GREB1L: variants seen among roughly 807,000 people sequenced by gnomAD.
GREB1L encodes GREB1 like retinoic acid receptor coactivator.
Under a neutral mutation model 200.8 loss-of-function variants are expected in GREB1L, and 17 were observed. The ratio of observed to expected loss-of-function variants is 0.08; its 90% CI spans 0.06 to 0.13. GREB1L has a LOEUF of 0.13. GREB1L is among the 10% of genes least tolerant of loss of function. GREB1L has a pLI of 1.00. For synonymous variants in GREB1L, 789 were observed against 893.0 expected (o/e 0.88, Z 2.08); for missense variants, 1,657 against 2,367.7 (o/e 0.70, Z 6.23).
intron 14 of GREB1L, 95 bp downstream of exon 14, chr18:21,452,312 C>A (rs1324745656): frequency 3.3e-6 from 4 of 1,230,174 alleles, no homozygotes; most frequent in South Asian, 3.1e-5. Context: ...TTCTTCAAGT[C>A]ACAGACCACA....
At chr18:21,383,216 C>T (rs2040396970) in intron 2 of GREB1L, among the ~76,000 whole-genome samples, 1 of 152,084 alleles carries the variant, frequency 6.6e-6, no homozygotes, top group African/African-American at 2.4e-5. Context: ...ACTGACAGGT[C>T]AGTCTTGATT....
intron 14 of GREB1L, among the ~76,000 whole-genome samples, chr18:21,453,373 G>A (rs571122016): frequency 3.9e-5 from 6 of 152,284 alleles, no homozygotes; most frequent in South Asian, 2.1e-4. Context: ...ATATGTTGAC[G>A]GCTGTCTTTG....
chr18:21,507,304 A>G (rs1030036929), intron 25 of GREB1L, among the ~76,000 whole-genome samples: 1 of 152,218 alleles, frequency 6.6e-6, no homozygotes, highest in African/African-American at 2.4e-5. Context: ...ACTAAGTAGT[A>G]TATTCCCACA....
At chr18:21,294,603 T>C (rs1361458443) in intron 1 of GREB1L, among the ~76,000 whole-genome samples, 2 of 151,122 alleles carry the variant, frequency 1.3e-5, no homozygotes, top group Non-Finnish European at 2.9e-5. Flanking sequence ...GTTATTATAA[T>C]ATAATAATGT....
At chr18:21,477,935 A>G (rs753485489) in intron 17 of GREB1L, among the ~76,000 whole-genome samples, 40 of 152,252 alleles carry the variant, frequency 2.6e-4, no homozygotes, top group Non-Finnish European at 3.8e-4. Context: ...ATACAAAATT[A>G]TCTGTCGTAT....
At chr18:21,350,681 A>C (rs1026966448) in intron 1 of GREB1L, among the ~76,000 whole-genome samples, 3 of 152,198 alleles carry the variant, frequency 2.0e-5, no homozygotes, top group Admixed American at 6.5e-5. Context: ...AAAAGACTTC[A>C]TGGGCAATGA....
At chr18:21,243,915 G>A (rs938048101) in intron 1 of GREB1L, among the ~76,000 whole-genome samples, 3 of 152,062 alleles carry the variant, frequency 2.0e-5, no homozygotes, top group Admixed American at 2.0e-4. Flanking sequence ...CTCCATACAA[G>A]CCTTCATCCT....
At chr18:21,508,715 G>GAA (rs35816889) in intron 27 of GREB1L, 124 bp downstream of exon 27, 36,139 of 373,438 alleles carry the variant, frequency 0.097, 317 homozygotes, top group South Asian at 0.12. Context: ...CCACTCTTCG[G>GAA]AAAAAAAAAA....
chr18:21,427,932 T>G (rs2032743634), intron 7 of GREB1L, among the ~76,000 whole-genome samples: 1 of 152,114 alleles, frequency 6.6e-6, no homozygotes. Context: ...GGCTCACGCC[T>G]GTAATCCCAG....
In GREB1L at chr18:21,439,734, G is replaced by A. The variant is rs2033791229; in HGVS notation, c.949+97G>A. The A allele has an allele frequency of 6.3e-6, 5 of 788,232 alleles. No individual in the cohort carries two copies. The South Asian group carries it at 7.9e-5, about 12-fold the overall frequency. 48.8% of individuals were successfully genotyped at this position (788,232 alleles called of 1,614,324 possible). A position where few individuals can be genotyped will look rare whatever the true frequency, so the allele number is the denominator to read the frequency against. ...GAATTATCTGGCAACACACTCTAGA[G>A]TTTTTTCTCAGTTCGTCATACAGTG... On this transcript the variant is annotated intron_variant, in intron 8 of 32. Transcript: ENST00000424526.
intron 27 of GREB1L, among the ~76,000 whole-genome samples, chr18:21,510,637 T>C (rs1291740874): frequency 6.6e-6 from 1 of 152,264 alleles, no homozygotes; most frequent in African/African-American, 2.4e-5. Context: ...TTGTGCATCA[T>C]GCTTTTATGA....
intron 21 of GREB1L, among the ~76,000 whole-genome samples, chr18:21,498,636 C>T (rs2036650495): frequency 6.6e-6 from 1 of 152,184 alleles, no homozygotes; most frequent in Non-Finnish European, 1.5e-5. Context: ...CTGCTGAACT[C>T]ACAAAGGTGG....
intron 18 of GREB1L, among the ~76,000 whole-genome samples, chr18:21,487,141 G>A (rs1359927196): frequency 6.6e-6 from 1 of 152,176 alleles, no homozygotes; most frequent in Non-Finnish European, 1.5e-5. Context: ...CCCCCTTTAA[G>A]CATTCCTACC....
At chr18:21,454,932 G>A (rs1294752653) in intron 15 of GREB1L, 3 of 308,030 alleles carry the variant, frequency 9.7e-6, no homozygotes, top group Non-Finnish European at 1.2e-5. Context: ...GGCCTCATTT[G>A]CATAGGTGGA....
At chr18:21,253,528 G>C (rs569493097) in intron 1 of GREB1L, among the ~76,000 whole-genome samples, 1 of 152,084 alleles carries the variant, frequency 6.6e-6, no homozygotes, top group Admixed American at 6.5e-5. Flanking sequence ...TGGAATTATA[G>C]GTGTGAGCCA....
intron 4 of GREB1L, among the ~76,000 whole-genome samples, chr18:21,393,588 C>T (rs1049669152): frequency 1.3e-4 from 20 of 152,158 alleles, no homozygotes; most frequent in African/African-American, 4.8e-4. Flanking sequence ...GCCACCATGT[C>T]CGGCTAATTT....
chr18:21,352,318 T>C (rs2039445656), intron 1 of GREB1L, among the ~76,000 whole-genome samples: 1 of 152,132 alleles, frequency 6.6e-6, no homozygotes, highest in Non-Finnish European at 1.5e-5. Flanking sequence ...GAAAAGGTAT[T>C]ACTTGTCATG....
chr18:21,419,715 C>T (rs551531473), intron 7 of GREB1L, among the ~76,000 whole-genome samples: 4 of 152,242 alleles, frequency 2.6e-5, no homozygotes, highest in Non-Finnish European at 5.9e-5. Flanking sequence ...TCCCAAAGTG[C>T]TGGGATTACA....
intron 18 of GREB1L, among the ~76,000 whole-genome samples, chr18:21,487,708 A>G (rs1162803739): frequency 2.0e-5 from 3 of 152,162 alleles, no homozygotes; most frequent in Non-Finnish European, 2.9e-5. Flanking sequence ...TTTCTATGAA[A>G]AGGCAGAGTG....
Sources: gnomAD v4.1 joint callset for allele counts (sites outside exome capture counted in the v4.1 genomes callset) on GRCh38, gnomAD v4.1.1 for gene constraint, MANE v1.5 for transcripts, NCBI Gene and HGNC (gene_info 2026-07-23, HGNC 2026-07-21) for gene names.